The following GATM variants were observed in gnomAD, a reference collection of about 807,000 sequenced individuals.
GATM encodes glycine amidinotransferase, also known as glycine amidinotransferase, mitochondrial.
A neutral mutation model predicts 54.2 loss-of-function variants in GATM; 23 were observed. The ratio of observed to expected loss-of-function variants is 0.42; its 90% CI spans 0.31 to 0.60. The LOEUF is 0.60. GATM is among the 20% of genes least tolerant of loss of function. GATM has a pLI of 0.14. For synonymous variants in GATM, 168 were observed against 183.1 expected (o/e 0.92, Z 0.67); for missense variants, 401 against 544.9 (o/e 0.74, Z 2.63).
intron 3 of GATM, among the ~76,000 whole-genome samples, chr15:45,388,683 G>A (rs1024106657): frequency 3.9e-5 from 6 of 152,154 alleles, no homozygotes; most frequent in Non-Finnish European, 2.9e-5. Context: ...ATGGAGTTCT[G>A]GAAAGAATAC....
At chr15:45,381,956 A>G (rs957189475), upstream of GATM, among the ~76,000 whole-genome samples, 1 of 152,258 alleles carries the variant, frequency 6.6e-6, no homozygotes, top group Non-Finnish European at 1.5e-5. Flanking sequence ...CTGGATGACT[A>G]GGAAACAGGA....
At chr15:45,399,693 A>G (rs1889975175) in intron 1 of GATM, 1 of 152,250 alleles carries the variant, frequency 6.6e-6, no homozygotes, top group Non-Finnish European at 1.5e-5. Flanking sequence ...TATAGAGACA[A>G]CAGATGGCTT....
At chr15:45,387,109 T>TCACAGGCC (rs1889812998) in intron 3 of GATM, among the ~76,000 whole-genome samples, 1 of 152,078 alleles carries the variant, frequency 6.6e-6, no homozygotes, top group African/African-American at 2.4e-5. Context: ...AGGCATGAGG[T>TCACAGGCC]TTTTATGAAG....
chr15:45,367,257 C>A (rs1184495753), intron 4 of GATM, among the ~76,000 whole-genome samples: 1 of 151,908 alleles, frequency 6.6e-6, no homozygotes, highest in Non-Finnish European at 1.5e-5. Flanking sequence ...AGGAGAATTG[C>A]TGGAACCCGG....
At chr15:45,379,985 G>C (rs1214588169), upstream of GATM, 7 of 151,694 alleles carry the variant, frequency 4.6e-5, no homozygotes, top group African/African-American at 1.7e-4. Context: ...TTAGCCGGGC[G>C]TGGTGGCGGG....
chr15:45,394,957 T>C (rs576356654), intron 3 of GATM, among the ~76,000 whole-genome samples: 5 of 152,250 alleles, frequency 3.3e-5, no homozygotes, highest in South Asian at 2.1e-4. Context: ...CTCTCTCCCC[T>C]GTCTCTCAGG....
At chr15:45,363,504 G>T in intron 8 of GATM, 1 of 251,584 alleles carries the variant, frequency 4.0e-6, no homozygotes, top group East Asian at 8.8e-5. Context: ...TTCTGCATCC[G>T]TACCCTTTTG....
intron 7 of GATM, 27 bp from the exon 8 acceptor site, chr15:45,364,043 A>G (rs1205950682): frequency 7.9e-7 from 1 of 1,271,988 alleles, no homozygotes; most frequent in Admixed American, 1.7e-5. Flanking sequence ...CTGTTAAACC[A>G]TGTCCGCTAT....
chr15:45,378,233 C>T (rs1322449620), intron 1 of GATM, 152 bp downstream of exon 1: 1 of 559,526 alleles, frequency 1.8e-6, no homozygotes, highest in Non-Finnish European at 3.0e-6. Context: ...CTGAGCTTCC[C>T]AGGGATACCA....
chr15:45,380,165 G>C (rs575324961), upstream of GATM: 1 of 146,578 alleles, frequency 6.8e-6, no homozygotes, highest in African/African-American at 2.5e-5. Flanking sequence ...CGGGCATGGT[G>C]GTGGGTGCCT....
upstream of GATM, chr15:45,379,615 T>C (rs1248022074): frequency 6.6e-6 from 1 of 152,186 alleles, no homozygotes; most frequent in Non-Finnish European, 1.5e-5. Flanking sequence ...AACAATAGAA[T>C]TTACTGTCCC....
At chr15:45,384,631 T>C (rs1437150772) in intron 3 of GATM, among the ~76,000 whole-genome samples, 5 of 152,202 alleles carry the variant, frequency 3.3e-5, no homozygotes, top group Admixed American at 3.3e-4. Flanking sequence ...CCTCGGACTT[T>C]TAGTGGTAGC....
intron 2 of GATM, among the ~76,000 whole-genome samples, chr15:45,370,720 T>C (rs1889528723): frequency 6.6e-6 from 1 of 152,228 alleles, no homozygotes; most frequent in Admixed American, 6.5e-5. Context: ...ATCAGTTTGC[T>C]AAAAATTATT....
At chr15:45,364,689 G>C (rs755582644) in intron 7 of GATM, 108 bp downstream of exon 7, 32 of 1,006,030 alleles carry the variant, frequency 3.2e-5, no homozygotes, top group East Asian at 1.8e-4. Context: ...CCTTACTGAG[G>C]AAACACATTC....
intron 1 of GATM, among the ~76,000 whole-genome samples, chr15:45,399,947 T>A (rs1203859659): frequency 1.3e-5 from 2 of 152,210 alleles, no homozygotes; most frequent in Non-Finnish European, 2.9e-5. Context: ...GGAGGCCAGG[T>A]GCAGTGGCTC....
At chr15:45,367,016 C>G (rs1186999285) in intron 4 of GATM, among the ~76,000 whole-genome samples, 1 of 152,058 alleles carries the variant, frequency 6.6e-6, no homozygotes, top group East Asian at 1.9e-4. Flanking sequence ...AACATATCCC[C>G]TGAGGATGAA....
chr15:45,366,653 A>C (rs1408009470), intron 4 of GATM, 145 bp from the exon 5 acceptor site: 5 of 888,298 alleles, frequency 5.6e-6, no homozygotes, highest in African/African-American at 1.7e-5. Flanking sequence ...CTGGGAAAGA[A>C]GCGGGTCCAT....
At chr15:45,378,171 C>T in intron 1 of GATM, 1 of 477,922 alleles carries the variant, frequency 2.1e-6, no homozygotes, top group Non-Finnish European at 3.7e-6. Flanking sequence ...CGCAAGTTCC[C>T]CCTGACTGGG....
chr15:45,363,589 C>T (rs2140638162), intron 8 of GATM: 1 of 466,768 alleles, frequency 2.1e-6, no homozygotes. Context: ...AAGGGCTGAA[C>T]AAGCTATCTG....
Sources: gnomAD v4.1 joint callset for allele counts (sites outside exome capture counted in the v4.1 genomes callset) on GRCh38, gnomAD v4.1.1 for gene constraint, MANE v1.5 for transcripts, NCBI Gene and HGNC (gene_info 2026-07-23, HGNC 2026-07-21) for gene names.